SPIDR: variants seen among roughly 807,000 people sequenced by gnomAD.
The protein encoded by SPIDR is DNA repair-scaffolding protein.
In SPIDR, 93 loss-of-function variants were observed where a neutral mutation model predicts 104.6. The ratio of observed to expected loss-of-function variants is 0.89; its 90% CI spans 0.75 to 1.06. SPIDR has a LOEUF of 1.06. Ranked by LOEUF, SPIDR falls within the 50% of genes least tolerant of loss-of-function variation. The pLI is 0.00. For synonymous variants in SPIDR, 431 were observed against 416.9 expected, an observed-to-expected ratio of 1.03 and a Z score of -0.41; for missense variants, 1,154 against 1,111.2, an observed-to-expected ratio of 1.04 and a Z score of -0.55.
At position 47,592,566 on chromosome 8, in the gene SPIDR, A is replaced by T. The variant is rs796210931; in HGVS notation, c.1098-3245A>T. ...ATGCCAGGAACTGGTTCTGCCAGCA[A>T]ACCCTGGGTTTCCTTGATGATCCTG... On this transcript the variant is annotated intron_variant, in intron 8 of 19. Transcript: ENST00000297423. The T allele has an allele frequency of 3.1e-6, 4 of 1,296,586 alleles. No individual in the cohort carries two copies. In the African/African-American group the frequency reaches 5.9e-5, roughly 19 times the overall value. The allele number at this position is 1,296,586 out of a possible 1,614,324, so 80.3% of individuals were successfully genotyped here. A position where few individuals can be genotyped will look rare whatever the true frequency, so the allele number is the denominator to read the frequency against.
chr8:47,632,561 T>A (rs548056550), intron 10 of SPIDR, among the ~76,000 whole-genome samples: 1 of 152,340 alleles, frequency 6.6e-6, no homozygotes, highest in South Asian at 2.1e-4. Flanking sequence ...TTATTTTAAA[T>A]TGAAATCATA....
chr8:47,378,796 C>T (rs148277407), intron 5 of SPIDR, among the ~76,000 whole-genome samples: 91 of 152,292 alleles, frequency 6.0e-4, no homozygotes, highest in Non-Finnish European at 7.8e-4. Context: ...AAAGTCCAGC[C>T]GGTGCCTTTG....
chr8:47,449,926 T>C (rs191874551), intron 8 of SPIDR, among the ~76,000 whole-genome samples: 3 of 152,248 alleles, frequency 2.0e-5, no homozygotes, highest in Non-Finnish European at 2.9e-5. Context: ...TGCCAACACT[T>C]TGGGAGGCCG....
intron 6 of SPIDR, among the ~76,000 whole-genome samples, chr8:47,406,029 A>G (rs915249532): frequency 6.6e-6 from 1 of 150,646 alleles, no homozygotes; most frequent in East Asian, 1.9e-4. Context: ...TAATCTGCAC[A>G]GTTTTCTTAC....
intron 5 of SPIDR, among the ~76,000 whole-genome samples, chr8:47,323,103 A>G (rs2047041295): frequency 1.3e-5 from 2 of 151,680 alleles, no homozygotes; most frequent in South Asian, 2.1e-4. Flanking sequence ...AAAGAAGAAG[A>G]AGAGAAAAAA....
intron 7 of SPIDR, among the ~76,000 whole-genome samples, chr8:47,422,318 C>G (rs1401137600): frequency 3.3e-5 from 5 of 152,186 alleles, no homozygotes; most frequent in African/African-American, 4.8e-5. Flanking sequence ...GCGGGCTCCC[C>G]TCCCCCAGCC....
chr8:47,531,514 C>T (rs776600184), intron 8 of SPIDR, among the ~76,000 whole-genome samples: 1 of 152,222 alleles, frequency 6.6e-6, no homozygotes, highest in Non-Finnish European at 1.5e-5. Flanking sequence ...ACACCGTGAA[C>T]ATTCCTCAAC....
At chr8:47,366,175 G>A (rs2057173193) in intron 5 of SPIDR, among the ~76,000 whole-genome samples, 1 of 152,144 alleles carries the variant, frequency 6.6e-6, no homozygotes, top group Non-Finnish European at 1.5e-5. Flanking sequence ...GCTTGGGTGT[G>A]TCTGCCTGAG....
intron 7 of SPIDR, among the ~76,000 whole-genome samples, chr8:47,437,188 C>T (rs112239117): frequency 0.034 from 5,137 of 151,798 alleles, 153 homozygotes; most frequent in Admixed American, 0.088. Flanking sequence ...TGGTGCGCTG[C>T]ACCCGCTAAC....
intron 8 of SPIDR, among the ~76,000 whole-genome samples, chr8:47,456,800 T>TA (rs2073059591): frequency 6.6e-6 from 1 of 152,190 alleles, no homozygotes; most frequent in African/African-American, 2.4e-5. Context: ...GTATCATTCT[T>TA]ACGCCTTTGC....
At chr8:47,727,589 G>GA (rs1474253973) in intron 17 of SPIDR, among the ~76,000 whole-genome samples, 1 of 152,138 alleles carries the variant, frequency 6.6e-6, no homozygotes. Context: ...ATGAATAAGT[G>GA]AAAAAAACTT....
intron 3 of SPIDR, among the ~76,000 whole-genome samples, chr8:47,288,900 A>G (rs2039377798): frequency 6.6e-6 from 1 of 151,730 alleles, no homozygotes; most frequent in African/African-American, 2.4e-5. Context: ...GGAACATTCC[A>G]TTTTTTTTGT....
At chr8:47,386,239 A>G (rs1255929784) in intron 5 of SPIDR, among the ~76,000 whole-genome samples, 1 of 152,152 alleles carries the variant, frequency 6.6e-6, no homozygotes, top group Non-Finnish European at 1.5e-5. Flanking sequence ...CAAGCTTTTA[A>G]TAACTATAGT....
At chr8:47,528,363 T>G (rs1224411600) in intron 8 of SPIDR, among the ~76,000 whole-genome samples, 2 of 152,218 alleles carry the variant, frequency 1.3e-5, no homozygotes, top group Non-Finnish European at 1.5e-5. Context: ...GCAGTCTGTC[T>G]CACACAATAT....
intron 7 of SPIDR, among the ~76,000 whole-genome samples, chr8:47,431,059 G>A (rs1383855981): frequency 6.6e-6 from 1 of 152,188 alleles, no homozygotes; most frequent in Non-Finnish European, 1.5e-5. Context: ...GACGTAAAGA[G>A]CAGACAGTTC....
chr8:47,362,676 G>T, intron 5 of SPIDR, among the ~76,000 whole-genome samples: 1 of 152,118 alleles, frequency 6.6e-6, no homozygotes, highest in East Asian at 1.9e-4. Flanking sequence ...TTTTCGAGAC[G>T]GAGTCTGACT....
intron 6 of SPIDR, among the ~76,000 whole-genome samples, chr8:47,406,940 A>G (rs1197539824): frequency 1.3e-5 from 2 of 152,216 alleles, no homozygotes; most frequent in African/African-American, 2.4e-5. Flanking sequence ...ATGATTAATG[A>G]ATTGGTAACA....
At chr8:47,484,822 A>C (rs2077325965) in intron 8 of SPIDR, among the ~76,000 whole-genome samples, 1 of 152,230 alleles carries the variant, frequency 6.6e-6, no homozygotes, top group South Asian at 2.1e-4. Context: ...TGTGGCGTTC[A>C]AAGGGAATGG....
At chr8:47,546,023 T>G (rs1421845997) in intron 8 of SPIDR, among the ~76,000 whole-genome samples, 1 of 152,214 alleles carries the variant, frequency 6.6e-6, no homozygotes, top group Non-Finnish European at 1.5e-5. Flanking sequence ...TTACTGAATT[T>G]TATTTGCTAA....
Sources: allele counts gnomAD v4.1 joint callset (sites outside exome capture counted in the v4.1 genomes callset), GRCh38; gene constraint gnomAD v4.1.1; transcripts MANE v1.5; gene names NCBI Gene and HGNC (gene_info 2026-07-23, HGNC 2026-07-21).